The following NRF1 variants were observed in gnomAD, a reference collection of about 807,000 sequenced individuals.
NRF1 encodes nuclear respiratory factor 1, also known as alpha palindromic-binding protein.
Under a neutral mutation model 58.5 loss-of-function variants are expected in NRF1, and 5 were observed. That is an observed-to-expected ratio of 0.09 (90% CI 0.04 to 0.18). The LOEUF is 0.18. Ranked by LOEUF, NRF1 falls within the 10% of genes least tolerant of loss-of-function variation. NRF1 has a pLI of 1.00. For missense variants in NRF1, 288 were observed against 657.7 expected, an observed-to-expected ratio of 0.44 and a Z score of 6.15; for synonymous variants, 224 against 246.7, an observed-to-expected ratio of 0.91 and a Z score of 0.86.
intron 9 of NRF1, among the ~76,000 whole-genome samples, chr7:129,718,119 C>A (rs1803233688): frequency 1.3e-5 from 2 of 152,138 alleles, no homozygotes; most frequent in South Asian, 4.1e-4. Context: ...TTGTATTATT[C>A]CCTGCCTGGT....
At chr7:129,744,277 A>C in intron 10 of NRF1, 4 of 1,500,234 alleles carry the variant, frequency 2.7e-6, no homozygotes, top group Non-Finnish European at 3.6e-6. Context: ...GGATAGAGTC[A>C]CTGTGAGGCT....
At chr7:129,724,776 G>A (rs1410987222) in intron 9 of NRF1, among the ~76,000 whole-genome samples, 1 of 152,196 alleles carries the variant, frequency 6.6e-6, no homozygotes, top group Admixed American at 6.5e-5. Context: ...GACAAATACT[G>A]TGTGGTTGTA....
At chr7:129,679,926 C>T (rs1203239192) in intron 4 of NRF1, among the ~76,000 whole-genome samples, 11 of 151,394 alleles carry the variant, frequency 7.3e-5, no homozygotes, top group East Asian at 2.0e-4. Flanking sequence ...GACGTGGTGG[C>T]GGGCGCCTGT....
At chr7:129,731,753 G>A (rs893658552) in intron 10 of NRF1, among the ~76,000 whole-genome samples, 2 of 151,910 alleles carry the variant, frequency 1.3e-5, no homozygotes, top group South Asian at 2.1e-4. Context: ...CCACAGGTGC[G>A]CACTGCCACA....
At chr7:129,648,067 A>G (rs1267068719) in intron 1 of NRF1, among the ~76,000 whole-genome samples, 1 of 151,764 alleles carries the variant, frequency 6.6e-6, no homozygotes, top group African/African-American at 2.4e-5. Flanking sequence ...ATATAATAAA[A>G]GATGAAATAG....
chr7:129,753,724 G>A (rs1218238433), intron 10 of NRF1, among the ~76,000 whole-genome samples: 3 of 32,332 alleles, frequency 9.3e-5, no homozygotes, highest in Non-Finnish European at 2.2e-4. Flanking sequence ...AGTAGCTGGG[G>A]TCTTTTTTTT....
chr7:129,674,545 T>G (rs1193650034), intron 3 of NRF1, among the ~76,000 whole-genome samples: 1 of 152,034 alleles, frequency 6.6e-6, no homozygotes, highest in Non-Finnish European at 1.5e-5. Flanking sequence ...AGTGATCCTC[T>G]CACTTAGCCT....
intron 10 of NRF1, chr7:129,735,130 G>A (rs1803676120): frequency 1.0e-6 from 1 of 985,434 alleles, no homozygotes. Context: ...GTCTCCGCTG[G>A]TCAGCACTGA....
intron 4 of NRF1, among the ~76,000 whole-genome samples, chr7:129,685,650 T>C (rs1442612447): frequency 6.7e-6 from 1 of 150,012 alleles, no homozygotes; most frequent in Non-Finnish European, 1.5e-5. Flanking sequence ...AGCAATGTCA[T>C]GCACTGGTTG....
intron 10 of NRF1, among the ~76,000 whole-genome samples, chr7:129,736,934 T>G (rs1803729056): frequency 6.6e-6 from 1 of 152,250 alleles, no homozygotes; most frequent in Admixed American, 6.5e-5. Context: ...TTAACCTCTC[T>G]AAGCCTTAAC....
intron 1 of NRF1, among the ~76,000 whole-genome samples, chr7:129,624,729 G>C (rs11975979): frequency 0.3 from 44,991 of 151,966 alleles, 8,311 homozygotes; most frequent in Non-Finnish European, 0.42. Context: ...TGCCCAGGCT[G>C]CTCTCAGACT....
At chr7:129,625,961 C>T (rs1215114683) in intron 1 of NRF1, among the ~76,000 whole-genome samples, 2 of 152,088 alleles carry the variant, frequency 1.3e-5, no homozygotes, top group East Asian at 1.9e-4. Flanking sequence ...GGATTACAAG[C>T]ATGAGCCACC....
At chr7:129,736,605 T>C (rs932983675) in intron 10 of NRF1, among the ~76,000 whole-genome samples, 2 of 149,026 alleles carry the variant, frequency 1.3e-5, no homozygotes, top group African/African-American at 4.9e-5. Flanking sequence ...TACAAAGGTA[T>C]TTGTATTTTT....
chr7:129,629,154 G>A (rs933690922), intron 1 of NRF1, among the ~76,000 whole-genome samples: 1 of 152,108 alleles, frequency 6.6e-6, no homozygotes, highest in Non-Finnish European at 1.5e-5. Context: ...GAAAATGTCT[G>A]TCAAATACCG....
At chr7:129,620,861 A>G (rs1193247490) in intron 1 of NRF1, among the ~76,000 whole-genome samples, 1 of 152,212 alleles carries the variant, frequency 6.6e-6, no homozygotes, top group African/African-American at 2.4e-5. Context: ...ATTTCAGTCT[A>G]GTGATATGGG....
chr7:129,652,688 T>G (rs548362221), intron 1 of NRF1, among the ~76,000 whole-genome samples: 1 of 152,326 alleles, frequency 6.6e-6, no homozygotes, highest in Non-Finnish European at 1.5e-5. Context: ...CCTTCCGGGT[T>G]CACGCCATTC....
intron 2 of NRF1, among the ~76,000 whole-genome samples, chr7:129,659,073 CTTTT>C (rs780109640): frequency 1.1e-5 from 1 of 88,184 alleles, no homozygotes; most frequent in Non-Finnish European, 2.0e-5. Context: ...CACCACAGGA[CTTTT>C]TTTTTTTTTT....
chr7:129,690,109 G>A (rs1470905305), intron 4 of NRF1, among the ~76,000 whole-genome samples: 3 of 152,194 alleles, frequency 2.0e-5, no homozygotes, highest in Non-Finnish European at 4.4e-5. Context: ...CCTGGAACAG[G>A]CAATGGCACC....
At chr7:129,733,286 T>G (rs1350476007) in intron 10 of NRF1, among the ~76,000 whole-genome samples, 2 of 151,688 alleles carry the variant, frequency 1.3e-5, no homozygotes, top group Non-Finnish European at 2.9e-5. Context: ...GCTAACACAG[T>G]GAAACCCCGT....
Sources: gnomAD v4.1 joint callset for allele counts (sites outside exome capture counted in the v4.1 genomes callset) on GRCh38, gnomAD v4.1.1 for gene constraint, MANE v1.5 for transcripts, NCBI Gene and HGNC (gene_info 2026-07-23, HGNC 2026-07-21) for gene names.